The following PAX7 variants were observed in gnomAD, a reference collection of about 807,000 sequenced individuals.
The protein encoded by PAX7 is paired box 7.
A neutral mutation model predicts 50.7 loss-of-function variants in PAX7; 18 were observed. That is an observed-to-expected ratio of 0.36 (90% confidence interval 0.25 to 0.53). The LOEUF (loss-of-function observed/expected upper bound fraction) is 0.53, where lower values mean the gene tolerates loss of function less well. PAX7 is among the 20% of genes least tolerant of loss of function. The pLI, the probability that PAX7 is intolerant of heterozygous loss-of-function variation, is 0.93. For missense variants in PAX7, 644 were observed against 702.9 expected (o/e 0.92, Z 0.95); for synonymous variants, 310 against 290.4 (o/e 1.07, Z -0.69).
At chr1:18,646,708 G>A (rs2088345600) in intron 4 of PAX7, among the ~76,000 whole-genome samples, 1 of 151,884 alleles carries the variant, frequency 6.6e-6, no homozygotes, top group African/African-American at 2.4e-5. Flanking sequence ...CTTTGAAGAG[G>A]CGAATGCCTG....
chr1:18,645,295 C>T (rs889483342), intron 4 of PAX7, among the ~76,000 whole-genome samples: 31 of 152,306 alleles, frequency 2.0e-4, no homozygotes, highest in South Asian at 4.1e-4. Flanking sequence ...GAGGGAGGAG[C>T]GGCTGGGCTG....
intron 8 of PAX7, 28 bp from the exon 9 acceptor site, chr1:18,744,786 T>G (rs1471142517): frequency 7.3e-7 from 1 of 1,375,850 alleles, no homozygotes. Flanking sequence ...GAACCTCAAT[T>G]TCTAGGAGAG....
rs2088047377 is a variant in PAX7 at position 18,631,596 on chromosome 1, G to C, written c.-8G>C. On this transcript the variant is annotated 5_prime_UTR_variant, in exon 1 of 9. Transcript: ENST00000420770. The stretch of plus-strand genomic sequence containing the variant: ...CCGACTTTGGATTCGTCCCCGGCGT[G>C]CGCAAGAATGGCGGCCCTTCCCGGC... 2 of 1,611,262 alleles carry C rather than the reference G, an allele frequency of 1.2e-6. No individual in the cohort carries two copies. The highest frequency in any genetic ancestry group is 1.7e-6 in the Non-Finnish European group (2 of 1,179,130).
intron 5 of PAX7, among the ~76,000 whole-genome samples, chr1:18,698,905 G>A (rs1431442348): frequency 2.0e-5 from 3 of 152,128 alleles, no homozygotes; most frequent in Non-Finnish European, 2.9e-5. Context: ...GTGCATAAGC[G>A]CCCTCCACCT....
chr1:18,722,916 C>T (rs2100373524), intron 7 of PAX7, among the ~76,000 whole-genome samples: 1 of 152,262 alleles, frequency 6.6e-6, no homozygotes, highest in Non-Finnish European at 1.5e-5. Context: ...TCCTTCCTAC[C>T]CTTCACCTCC....
chr1:18,642,779 A>C (rs2088276079), intron 4 of PAX7, among the ~76,000 whole-genome samples: 1 of 152,084 alleles, frequency 6.6e-6, no homozygotes, highest in Non-Finnish European at 1.5e-5. Context: ...AATCGAATCA[A>C]GGCAGAACGG....
chr1:18,641,417 C>A (rs1173861842), intron 4 of PAX7, among the ~76,000 whole-genome samples: 1 of 152,052 alleles, frequency 6.6e-6, no homozygotes, highest in Non-Finnish European at 1.5e-5. Context: ...AAGAGGGGCT[C>A]CCCAGGGCGC....
chr1:18,720,208 C>T (rs752857297), intron 7 of PAX7, among the ~76,000 whole-genome samples: 1 of 152,206 alleles, frequency 6.6e-6, no homozygotes, highest in African/African-American at 2.4e-5. Flanking sequence ...GATGACCTCT[C>T]ATGCCGTCCC....
chr1:18,655,251 C>T (rs1418719367), intron 4 of PAX7, among the ~76,000 whole-genome samples: 4 of 152,166 alleles, frequency 2.6e-5, no homozygotes, highest in East Asian at 1.9e-4. Flanking sequence ...ACAAGGGCTG[C>T]GGCCGGTCCC....
intron 7 of PAX7, among the ~76,000 whole-genome samples, chr1:18,718,647 C>CT (rs11367355): frequency 0.017 from 2,506 of 144,064 alleles, 59 homozygotes; most frequent in African/African-American, 0.055. Context: ...TTGACCCTTC[C>CT]TTTTTTTTTT....
intron 8 of PAX7, among the ~76,000 whole-genome samples, chr1:18,737,287 G>A (rs1291975740): frequency 6.6e-6 from 1 of 152,178 alleles, no homozygotes; most frequent in Non-Finnish European, 1.5e-5. Flanking sequence ...CTCTCCCCCA[G>A]CCCAGCCCTG....
chr1:18,651,613 G>C (rs1036688174), intron 4 of PAX7, among the ~76,000 whole-genome samples: 1 of 152,170 alleles, frequency 6.6e-6, no homozygotes, highest in Non-Finnish European at 1.5e-5. Flanking sequence ...GAAGCTTCAA[G>C]GGGTGACTGT....
At chr1:18,676,192 C>T (rs2088819136) in intron 4 of PAX7, among the ~76,000 whole-genome samples, 1 of 152,128 alleles carries the variant, frequency 6.6e-6, no homozygotes. Context: ...CTGCCATCTT[C>T]GCCTTGCTTT....
chr1:18,681,164 TAAAAAAAAA>T (rs143668000), intron 4 of PAX7, among the ~76,000 whole-genome samples: 1 of 67,380 alleles, frequency 1.5e-5, no homozygotes, highest in African/African-American at 5.4e-5. Flanking sequence ...CAAAACTCCG[TAAAAAAAAA>T]AAAAAAAAAA....
intron 5 of PAX7, among the ~76,000 whole-genome samples, chr1:18,694,113 C>G (rs981409084): frequency 5.9e-5 from 9 of 152,190 alleles, no homozygotes; most frequent in Non-Finnish European, 1.3e-4. Flanking sequence ...CTGGATCTCC[C>G]CATTTAGCCT....
At chr1:18,743,980 A>C (rs1279321639) in intron 8 of PAX7, among the ~76,000 whole-genome samples, 1 of 152,152 alleles carries the variant, frequency 6.6e-6, no homozygotes, top group Non-Finnish European at 1.5e-5. Context: ...TCACACACAC[A>C]AGTATGCACC....
At chr1:18,674,937 A>C (rs2088803562) in intron 4 of PAX7, among the ~76,000 whole-genome samples, 1 of 152,184 alleles carries the variant, frequency 6.6e-6, no homozygotes, top group Admixed American at 6.5e-5. Flanking sequence ...CTGTGTTTCC[A>C]GAGGCCCTCT....
intron 4 of PAX7, among the ~76,000 whole-genome samples, chr1:18,686,074 A>T (rs938622526): frequency 6.6e-6 from 1 of 152,168 alleles, no homozygotes; most frequent in South Asian, 2.1e-4. Context: ...ACGAGCCACA[A>T]GCTGCCTTGA....
chr1:18,661,218 T>C (rs993877466), intron 4 of PAX7, among the ~76,000 whole-genome samples: 4 of 152,078 alleles, frequency 2.6e-5, no homozygotes, highest in South Asian at 2.1e-4. Flanking sequence ...GGCAAACAGA[T>C]ATCCCTCCCT....
Sources: gnomAD v4.1 joint callset for allele counts (sites outside exome capture counted in the v4.1 genomes callset) on GRCh38, gnomAD v4.1.1 for gene constraint, MANE v1.5 for transcripts, NCBI Gene and HGNC (gene_info 2026-07-23, HGNC 2026-07-21) for gene names.